TMC3: variants seen among roughly 807,000 people sequenced by gnomAD.
The protein encoded by TMC3 is transmembrane channel-like protein 3.
A neutral mutation model predicts 110.6 loss-of-function variants in TMC3; 98 were observed. The observed-to-expected ratio is 0.89, with a 90% CI of 0.75 to 1.05. The LOEUF (loss-of-function observed/expected upper bound fraction) is 1.05. TMC3 is among the 50% of genes least tolerant of loss of function. TMC3 has a pLI of 0.00. For synonymous variants in TMC3, 489 were observed against 513.1 expected (o/e 0.95, Z 0.63); for missense variants, 1,319 against 1,373.2 (o/e 0.96, Z 0.62).
At chr15:81,364,274 A>T (rs1852601443) in intron 3 of TMC3, among the ~76,000 whole-genome samples, 1 of 152,134 alleles carries the variant, frequency 6.6e-6, no homozygotes, top group Admixed American at 6.5e-5. Flanking sequence ...ATAAGAGTCT[A>T]TGCAAGTTGG....
chr15:81,362,053 G>A, intron 4 of TMC3, 167 bp downstream of exon 4: 2 of 557,798 alleles, frequency 3.6e-6, no homozygotes. Context: ...GGTGGGGGCA[G>A]GTATCTTGTC....
chr15:81,356,134 G>A (rs995337449), intron 8 of TMC3, among the ~76,000 whole-genome samples: 4 of 151,932 alleles, frequency 2.6e-5, no homozygotes, highest in Admixed American at 6.6e-5. Context: ...ATATGTATTC[G>A]CTCATTTTCA....
At chr15:81,366,929 T>C (rs1247214775) in intron 3 of TMC3, among the ~76,000 whole-genome samples, 1 of 152,162 alleles carries the variant, frequency 6.6e-6, no homozygotes, top group Non-Finnish European at 1.5e-5. Context: ...TCTCTTAAGA[T>C]AACAAACAAA....
At chr15:81,373,469 G>T (rs150632812) in intron 1 of TMC3, among the ~76,000 whole-genome samples, 2 of 152,104 alleles carry the variant, frequency 1.3e-5, no homozygotes, top group Admixed American at 1.3e-4. Flanking sequence ...AAAAGATTTC[G>T]TTTGTTATTC....
At chr15:81,365,486 C>T (rs1433093808) in intron 3 of TMC3, among the ~76,000 whole-genome samples, 3 of 152,088 alleles carry the variant, frequency 2.0e-5, no homozygotes, top group African/African-American at 7.2e-5. Context: ...GACTGACCAA[C>T]ATGGTGAAAC....
At chr15:81,338,630 C>A in intron 18 of TMC3, 25 bp downstream of exon 18, 1 of 1,607,650 alleles carries the variant, frequency 6.2e-7, no homozygotes, top group Non-Finnish European at 8.5e-7. Flanking sequence ...GAAGTCCCTC[C>A]AAAGCTGGCA....
intron 10 of TMC3, among the ~76,000 whole-genome samples, chr15:81,350,377 G>C (rs1467612100): frequency 6.6e-6 from 1 of 152,226 alleles, no homozygotes. Flanking sequence ...GAGAGGTAAT[G>C]TAATATTCTT....
chr15:81,374,012 G>A lies in TMC3; in HGVS notation c.66C>T (p.Leu22=). Reference sequence around the variant, plus strand: ...ACCTGAGCAGCAGAGATTCCTGGTAGAGGTAGCACTGGCTGGCATTTCTCC... The same window carrying A: ...ACCTGAGCAGCAGAGATTCCTGGTAAAGGTAGCACTGGCTGGCATTTCTCC... The part of the protein sequence containing the change: ...GIRRNASQCY[L]YQESLLLSNL... Residue 22 remains leucine, a synonymous_variant, in exon 1 of 22, where the codon CTC becomes CTT. Coordinates refer to ENST00000359440, the MANE Select transcript of TMC3 (RefSeq NM_001080532.3). 1 of 1,613,850 alleles carries A rather than the reference G, an allele frequency of 6.2e-7. No individual in the cohort carries two copies. Among genetic ancestry groups the A allele is most frequent in the Non-Finnish European group, 8.5e-7 (1 of 1,179,842 alleles).
rs570133042 is a variant in TMC3, at chr15:81,369,428, G to A, written c.237-1100C>T. ...AATGTAGGTTAGGAGCAAGGTTGATGTTCTACCCCATACCATGACTACCAT... is the reference window on the plus strand; with the variant it reads ...AATGTAGGTTAGGAGCAAGGTTGATATTCTACCCCATACCATGACTACCAT... On this transcript the variant is annotated intron_variant, in intron 2 of 21. Transcript: ENST00000359440. Among the ~76,000 whole-genome samples the A allele has an allele frequency of 6.6e-5, 10 of 152,222 alleles. No homozygotes were observed. The South Asian group carries it at 1.7e-3, about 25-fold the overall frequency.
At chr15:81,357,418 G>A (rs2141715859) in intron 7 of TMC3, among the ~76,000 whole-genome samples, 1 of 152,064 alleles carries the variant, frequency 6.6e-6, no homozygotes, top group African/African-American at 2.4e-5. Context: ...AACCAGCGTG[G>A]GTGGGGCCAG....
chr15:81,364,547 G>C (rs1421250713), intron 3 of TMC3, among the ~76,000 whole-genome samples: 1 of 128,318 alleles, frequency 7.8e-6, no homozygotes, highest in Non-Finnish European at 1.6e-5. Flanking sequence ...TCGGGGGAGG[G>C]GGGAGGGATA....
chr15:81,342,183 G>A (rs759666701), intron 15 of TMC3, among the ~76,000 whole-genome samples: 2 of 152,182 alleles, frequency 1.3e-5, no homozygotes, highest in African/African-American at 4.8e-5. Context: ...GCAGCTAGGC[G>A]ACAAAACCCA....
Position 81,332,182 on chromosome 15 carries a change from T to C in TMC3, c.*237A>G, listed in dbSNP as rs1893476228. ...TGAGATTGCTGCAGACCCGTGATGA[T>C]TCACTGCTGGTGACATACTTTGGTG... On this transcript the variant is annotated 3_prime_UTR_variant, in exon 22 of 22. Transcript: ENST00000359440. 4.1e-6 allele frequency: 2 copies of C among 490,964 alleles called. No homozygotes were observed. Among genetic ancestry groups the C allele is most frequent in the Non-Finnish European group, 7.1e-6 (2 of 281,800 alleles). 30.4% of individuals were successfully genotyped at this position (490,964 alleles called of 1,614,324 possible).
At chr15:81,354,384 G>C (rs1400650268) in intron 9 of TMC3, among the ~76,000 whole-genome samples, 1 of 152,218 alleles carries the variant, frequency 6.6e-6, no homozygotes, top group Non-Finnish European at 1.5e-5. Flanking sequence ...CTTCTGAGGG[G>C]CTTATGAAAT....
rs920921572 is a variant in TMC3 at position 81,344,015 on chromosome 15, G to A, written c.1549C>T (p.Leu517Phe). 6 of 1,611,994 alleles carry A rather than the reference G, an allele frequency of 3.7e-6. No individual in the cohort carries two copies. The highest frequency in any genetic ancestry group is 3.3e-5 in the Admixed American group (2 of 59,972). The change falls in exon 14 of 22, where the codon CTC (leucine) becomes TTC (phenylalanine). Residue 517 changes from leucine to phenylalanine, a missense_variant. Physicochemically the swap from Leu to Phe is conservative, Grantham distance 22. Transcript: ENST00000359440. ...EMLKLSIIDMLFTVASILLID... is the reference protein window; with the variant it reads ...EMLKLSIIDMFFTVASILLID... ...AGCAGAATGCTCGCCACGGTGAAGA[G>A]CATGTCAATGATGGAGAGCTTCAGC...
chr15:81,344,952 G>T lies in TMC3; in HGVS notation c.1332C>A (p.Thr444=). The T allele has an allele frequency of 6.2e-7, 1 of 1,610,958 alleles. No homozygotes were observed. The highest frequency in any genetic ancestry group is 8.5e-7 in the Non-Finnish European group (1 of 1,178,640). ...ATTTCTCTTCTTCAGGGGCTGTCCTGGTTGCAAAGAAGGTGGTGGAATCTA... is the reference window on the plus strand; with the variant it reads ...ATTTCTCTTCTTCAGGGGCTGTCCTTGTTGCAAAGAAGGTGGTGGAATCTA... The part of the protein sequence containing the change: ...HWIDSTTFFA[T]RTAPEEEKWS... Residue 444 remains threonine (T), a synonymous_variant, in exon 13 of 22, where the codon ACC becomes ACA. Coordinates refer to ENST00000359440, the MANE Select transcript of TMC3 (RefSeq NM_001080532.3).
At chr15:81,372,349 GACACACACACACACACACAC>G (rs371289786) in intron 2 of TMC3, among the ~76,000 whole-genome samples, 3,616 of 116,854 alleles carry the variant, frequency 0.031, 170 homozygotes, top group African/African-American at 0.1. Flanking sequence ...CTGTCTCTCT[GACACACACACACACACACAC>G]ACACACACAC....
chr15:81,348,375 GT>G lies in TMC3; in HGVS notation c.1193+1082del, dbSNP rs150054745. Among the ~76,000 whole-genome samples, 1,291 of 152,348 alleles carry G rather than the reference GT, an allele frequency of 8.5e-3. 23 individuals carry two copies. The highest frequency in any genetic ancestry group is 0.029 in the African/African-American group (1,224 of 41,580). On this transcript the variant is annotated intron_variant, in intron 11 of 21. Transcript: ENST00000359440. Reference sequence around the variant, plus strand: ...TCACTGCCTCCCTCTGCCACATTCAGTTTAACAATGCCTCACCCAGCCCTAC... The same window carrying G: ...TCACTGCCTCCCTCTGCCACATTCAGTTAACAATGCCTCACCCAGCCCTAC...
At chr15:81,352,486 A>G (rs548251657) in intron 9 of TMC3, among the ~76,000 whole-genome samples, 1 of 152,356 alleles carries the variant, frequency 6.6e-6, no homozygotes, top group South Asian at 2.1e-4. Context: ...ATAAAAGTAT[A>G]GTACATACAA....
Sources: gnomAD v4.1 joint callset for allele counts (sites outside exome capture counted in the v4.1 genomes callset) on GRCh38, gnomAD v4.1.1 for gene constraint, MANE v1.5 for transcripts, NCBI Gene and HGNC (gene_info 2026-07-23, HGNC 2026-07-21) for gene names.